Variants in UNC5C observed in about 807,000 individuals in gnomAD.
UNC5C encodes netrin receptor UNC5C.
A neutral mutation model predicts 99.8 loss-of-function variants in UNC5C; 47 were observed. That is an observed-to-expected ratio of 0.47 (90% CI 0.37 to 0.60). UNC5C has a LOEUF of 0.60. Ranked by LOEUF, UNC5C falls within the 20% of genes least tolerant of loss-of-function variation. The probability of loss-of-function intolerance (pLI) is 0.00; values close to 1 mark genes in which losing one functional copy is unlikely to be tolerated. For missense variants in UNC5C, 1,062 were observed against 1,165.9 expected, an observed-to-expected ratio of 0.91 and a Z score of 1.30; for synonymous variants, 487 against 452.2, an observed-to-expected ratio of 1.08 and a Z score of -0.98.
intron 1 of UNC5C, among the ~76,000 whole-genome samples, chr4:95,470,705 TAAC>T (rs1056035948): frequency 1.3e-5 from 2 of 152,136 alleles, no homozygotes; most frequent in African/African-American, 4.8e-5. Context: ...AGTTTATACT[TAAC>T]AAGCATTTAT....
chr4:95,449,281 G>A (rs1747213550), intron 1 of UNC5C, among the ~76,000 whole-genome samples: 2 of 152,096 alleles, frequency 1.3e-5, no homozygotes, highest in Admixed American at 6.5e-5. Flanking sequence ...GTACGCAAAA[G>A]CAATGAGAGG....
chr4:95,411,051 C>G (rs76329213), intron 1 of UNC5C, among the ~76,000 whole-genome samples: 8,445 of 152,230 alleles, frequency 0.055, 329 homozygotes, highest in Non-Finnish European at 0.086. Flanking sequence ...AGCAGGAGTT[C>G]AGCAGGGGAA....
chr4:95,510,935 A>G (rs943273810), intron 1 of UNC5C, among the ~76,000 whole-genome samples: 5 of 152,160 alleles, frequency 3.3e-5, no homozygotes, highest in African/African-American at 1.2e-4. Context: ...GTCAGAGACA[A>G]TTAAAGTCTT....
intron 1 of UNC5C, among the ~76,000 whole-genome samples, chr4:95,380,045 T>C (rs1322203277): frequency 6.6e-6 from 1 of 152,188 alleles, no homozygotes; most frequent in Non-Finnish European, 1.5e-5. Flanking sequence ...CTGAAACATC[T>C]TCTTTAAGGT....
chr4:95,247,814 T>G (rs960254646), intron 5 of UNC5C: 4 of 152,244 alleles, frequency 2.6e-5, no homozygotes, highest in African/African-American at 9.6e-5. Context: ...GCATTAAACA[T>G]CTATATAATA....
chr4:95,435,016 C>T (rs1746736859), intron 1 of UNC5C, among the ~76,000 whole-genome samples: 1 of 152,094 alleles, frequency 6.6e-6, no homozygotes, highest in Non-Finnish European at 1.5e-5. Context: ...ATGTCCCACA[C>T]TTTCATTTGC....
At chr4:95,295,423 C>A (rs767044898) in intron 3 of UNC5C, among the ~76,000 whole-genome samples, 16 of 152,178 alleles carry the variant, frequency 1.1e-4, no homozygotes, top group Admixed American at 2.0e-4. Context: ...CTGGCTGAAT[C>A]CTAACTTTCA....
chr4:95,177,114 G>A (rs542517798), intron 14 of UNC5C, among the ~76,000 whole-genome samples: 10 of 152,284 alleles, frequency 6.6e-5, no homozygotes, highest in African/African-American at 1.4e-4. Context: ...CGCACGGTGC[G>A]CGCACCCACT....
intron 4 of UNC5C, among the ~76,000 whole-genome samples, chr4:95,271,197 C>T (rs1029899989): frequency 2.0e-5 from 3 of 152,046 alleles, no homozygotes; most frequent in Non-Finnish European, 4.4e-5. Flanking sequence ...AGATAGAGAC[C>T]GTGCTCGAAC....
chr4:95,238,846 A>C (rs1739222597), intron 7 of UNC5C, among the ~76,000 whole-genome samples: 1 of 152,118 alleles, frequency 6.6e-6, no homozygotes. Flanking sequence ...TCTTCCAATG[A>C]GTTTTAAATT....
rs1398636683 is a variant in UNC5C, at chr4:95,340,544, C to CTATATTTCAAGCAA, written c.125-4927_125-4914dup. On this transcript the variant is annotated intron_variant, in intron 1 of 15. Coordinates refer to ENST00000453304, the MANE Select transcript of UNC5C (RefSeq NM_003728.4). The stretch of plus-strand genomic sequence containing the variant: ...TCCTCAGGAAGACAAAGACTATGGT[C>CTATATTTCAAGCAA]TATATTTCAAGCAATATATTAATGG... Among the ~76,000 whole-genome samples the CTATATTTCAAGCAA allele has an allele frequency of 9.1e-4, 139 of 152,156 alleles. 1 individual carries two copies. Among genetic ancestry groups the CTATATTTCAAGCAA allele is most frequent in the African/African-American group, 3.2e-3 (133 of 41,530 alleles).
intron 1 of UNC5C, among the ~76,000 whole-genome samples, chr4:95,337,930 T>C (rs910516274): frequency 6.6e-6 from 1 of 152,068 alleles, no homozygotes; most frequent in African/African-American, 2.4e-5. Context: ...TAAGATTTCC[T>C]ATAATATTCA....
intron 1 of UNC5C, among the ~76,000 whole-genome samples, chr4:95,504,083 T>G (rs1721847526): frequency 6.6e-6 from 1 of 152,204 alleles, no homozygotes; most frequent in South Asian, 2.1e-4. Context: ...TGATTTTATC[T>G]TAACTCCACA....
intron 1 of UNC5C, among the ~76,000 whole-genome samples, chr4:95,488,938 A>G (rs1319933626): frequency 6.6e-6 from 1 of 151,720 alleles, no homozygotes; most frequent in Non-Finnish European, 1.5e-5. Flanking sequence ...TAAGAATTTG[A>G]CTAAACCATC....
At chr4:95,424,463 T>G (rs1196869808) in intron 1 of UNC5C, among the ~76,000 whole-genome samples, 1 of 151,774 alleles carries the variant, frequency 6.6e-6, no homozygotes, top group East Asian at 1.9e-4. Context: ...ACGGTTAAGT[T>G]TTTACAAATG....
At chr4:95,176,277 T>G (rs1225413699) in intron 14 of UNC5C, among the ~76,000 whole-genome samples, 4 of 152,250 alleles carry the variant, frequency 2.6e-5, no homozygotes, top group Admixed American at 2.6e-4. Flanking sequence ...TTTGTTCCAT[T>G]GCTGGTGAGG....
intron 1 of UNC5C, among the ~76,000 whole-genome samples, chr4:95,485,432 T>C (rs917914328): frequency 6.6e-6 from 1 of 151,798 alleles, no homozygotes; most frequent in Non-Finnish European, 1.5e-5. Context: ...ACTTGAATCA[T>C]CATCAAAGGA....
intron 2 of UNC5C, among the ~76,000 whole-genome samples, chr4:95,305,688 TG>T (rs1041542425): frequency 1.1e-4 from 17 of 152,338 alleles, no homozygotes; most frequent in African/African-American, 4.1e-4. Context: ...GTTTGAAGTT[TG>T]CAGTGATTTG....
rs6148582 is a variant in UNC5C, at chr4:95,545,772, G to GCGCACACACACACA, written c.124+2961_124+2962insTGTGTGTGTGTGCG. 7.2e-3 allele frequency among the ~76,000 whole-genome samples: 1,063 copies of GCGCACACACACACA among 148,366 alleles called. 8 individuals are homozygous for GCGCACACACACACA. The highest frequency in any genetic ancestry group is 0.024 in the African/African-American group (958 of 40,712). On this transcript the variant is annotated intron_variant, in intron 1 of 15. Coordinates refer to ENST00000453304, the MANE Select transcript of UNC5C (RefSeq NM_003728.4). ...TGATCTCACACACACGCGCGCGCGC[G>GCGCACACACACACA]CACACACACACACACACACACACTG...
Sources: gnomAD v4.1 joint callset for allele counts (sites outside exome capture counted in the v4.1 genomes callset) on GRCh38, gnomAD v4.1.1 for gene constraint, MANE v1.5 for transcripts, NCBI Gene and HGNC (gene_info 2026-07-23, HGNC 2026-07-21) for gene names.